FHIT: variants seen among roughly 807,000 people sequenced by gnomAD.
The protein encoded by FHIT is bis(5'-adenosyl)-triphosphatase.
A neutral mutation model predicts 17.9 loss-of-function variants in FHIT; 19 were observed. The ratio of observed to expected loss-of-function variants is 1.06; its 90% CI spans 0.74 to 1.56. The LOEUF (loss-of-function observed/expected upper bound fraction) is 1.56, where lower values mean the gene tolerates loss of function less well. FHIT is among the 40% of genes most tolerant of loss of function. FHIT has a pLI of 0.00. For missense variants in FHIT, 248 were observed against 189.2 expected (o/e 1.31, Z -1.82); for synonymous variants, 81 against 69.7 (o/e 1.16, Z -0.81).
At chr3:61,235,408 T>C (rs533084358) in intron 1 of FHIT, among the ~76,000 whole-genome samples, 8 of 152,284 alleles carry the variant, frequency 5.3e-5, no homozygotes, top group African/African-American at 1.9e-4. Flanking sequence ...GTTCAGTGCC[T>C]GGCCATAGTA....
chr3:60,653,240 T>C (rs2040037357), intron 4 of FHIT, among the ~76,000 whole-genome samples: 1 of 152,132 alleles, frequency 6.6e-6, no homozygotes, highest in Non-Finnish European at 1.5e-5. Context: ...ATCTAGTTAA[T>C]ATCGTCAAGA....
At chr3:59,782,139 A>G (rs2106884525) in intron 8 of FHIT, among the ~76,000 whole-genome samples, 1 of 152,296 alleles carries the variant, frequency 6.6e-6, no homozygotes, top group Non-Finnish European at 1.5e-5. Flanking sequence ...CTGATTCCTA[A>G]AGAAGTATAT....
intron 5 of FHIT, among the ~76,000 whole-genome samples, chr3:60,127,994 T>C (rs1315365742): frequency 1.3e-5 from 2 of 152,214 alleles, no homozygotes; most frequent in Non-Finnish European, 2.9e-5. Flanking sequence ...GACTTTAATA[T>C]TCAAGTAATA....
At chr3:60,644,205 G>T (rs939236436) in intron 4 of FHIT, among the ~76,000 whole-genome samples, 1 of 152,164 alleles carries the variant, frequency 6.6e-6, no homozygotes, top group African/African-American at 2.4e-5. Flanking sequence ...CTGAAAAAGA[G>T]AAAATTTAAC....
At chr3:60,890,984 G>A (rs1462204935) in intron 3 of FHIT, among the ~76,000 whole-genome samples, 3 of 152,168 alleles carry the variant, frequency 2.0e-5, no homozygotes, top group Admixed American at 1.3e-4. Flanking sequence ...TCGTCAATAG[G>A]TTGAAGATCT....
chr3:60,005,822 C>T (rs542380672), intron 7 of FHIT, among the ~76,000 whole-genome samples: 7 of 152,246 alleles, frequency 4.6e-5, no homozygotes, highest in South Asian at 2.1e-4. Flanking sequence ...TAATAAGTAA[C>T]GGTAAAAGAA....
chr3:60,159,466 C>G (rs1023438434), intron 5 of FHIT, among the ~76,000 whole-genome samples: 2 of 152,108 alleles, frequency 1.3e-5, no homozygotes, highest in African/African-American at 4.8e-5. Flanking sequence ...CTCCCCCATA[C>G]ATATCCTCAC....
Position 60,137,860 on chromosome 3 carries a change from C to T in FHIT, c.104-123708G>A, listed in dbSNP as rs917205136. ...AATGAATATTTAAGCAACATCTACA[C>T]ATAAGAGACCCTAAATGAATATCCG... On this transcript the variant is annotated intron_variant, in intron 5 of 9. Transcript: ENST00000492590. Among the ~76,000 whole-genome samples, 102 of 152,224 alleles carry T rather than the reference C, an allele frequency of 6.7e-4. 1 individual carries two copies. The highest frequency in any genetic ancestry group is 2.3e-3 in the African/African-American group (97 of 41,496).
At chr3:60,158,993 G>A (rs1306539711) in intron 5 of FHIT, among the ~76,000 whole-genome samples, 1 of 152,092 alleles carries the variant, frequency 6.6e-6, no homozygotes, top group Non-Finnish European at 1.5e-5. Flanking sequence ...TCTCTAGCTA[G>A]AGGGCATTAA....
In FHIT at chr3:60,135,196, A is replaced by G. The variant is rs566744963; in HGVS notation, c.104-121044T>C. Among the ~76,000 whole-genome samples the G allele has an allele frequency of 1.6e-4, 25 of 152,282 alleles. No homozygotes were observed. The South Asian group carries it at 3.3e-3, about 20-fold the overall frequency. ...TTCCAAAGATGGCACCCACTGATGA[A>G]GCTTTTCTATTACCAGGGTCACATA... On this transcript the variant is annotated intron_variant, in intron 5 of 9. Transcript: ENST00000492590.
At chr3:59,993,825 T>A (rs78748519) in intron 7 of FHIT, among the ~76,000 whole-genome samples, 16 of 151,894 alleles carry the variant, frequency 1.1e-4, no homozygotes, top group African/African-American at 3.9e-4. Context: ...CCTCTGAACC[T>A]CAGTTAACCT....
At chr3:61,136,302 A>G (rs1179765511) in intron 2 of FHIT, among the ~76,000 whole-genome samples, 1 of 136,230 alleles carries the variant, frequency 7.3e-6, no homozygotes, top group Non-Finnish European at 1.5e-5. Flanking sequence ...AGAGGCTTGT[A>G]TCATTAAAAT....
At chr3:60,324,573 G>GGAAAAAAAAAAAAAAAAAAAAAA (rs757433390) in intron 5 of FHIT, among the ~76,000 whole-genome samples, 1 of 128,858 alleles carries the variant, frequency 7.8e-6, no homozygotes, top group African/African-American at 3.0e-5. Flanking sequence ...GACTCCATCA[G>GGAAAAAAAAAAAAAAAAAAAAAA]AAAAAAAAAA....
intron 3 of FHIT, among the ~76,000 whole-genome samples, chr3:61,019,315 G>A (rs1219580912): frequency 6.6e-6 from 1 of 152,226 alleles, no homozygotes; most frequent in Non-Finnish European, 1.5e-5. Flanking sequence ...TATTTGGAAA[G>A]TTCCCAGTAT....
At position 60,401,466 on chromosome 3, in the gene FHIT, T is replaced by C. The variant is rs184810237; in HGVS notation, c.103+135394A>G. Among the ~76,000 whole-genome samples the C allele has an allele frequency of 4.2e-3, 637 of 152,262 alleles. 4 individuals carry two copies. The highest frequency in any genetic ancestry group is 0.012 in the African/African-American group (485 of 41,568). ...GCCAGGAGAGAAGAGAAGATGGGTATTGACTCACTGTCATGGTTCTATAAC... is the reference window on the plus strand; with the variant it reads ...GCCAGGAGAGAAGAGAAGATGGGTACTGACTCACTGTCATGGTTCTATAAC... On this transcript the variant is annotated intron_variant, in intron 5 of 9. Transcript: ENST00000492590.
Position 60,860,711 on chromosome 3 carries a change from ATATATATCAGG to A in FHIT, c.-110-38711_-110-38701del, listed in dbSNP as rs1287462798. 1.5e-4 allele frequency among the ~76,000 whole-genome samples: 16 copies of A among 108,988 alleles called. 1 individual carries two copies. Among genetic ancestry groups the A allele is most frequent in the Non-Finnish European group, 2.8e-4 (14 of 49,838 alleles). 71.5% of individuals were successfully genotyped at this position (108,988 alleles called of 152,430 possible). A position where few individuals can be genotyped will look rare whatever the true frequency, so the allele number is the denominator to read the frequency against. ...ATCAGGTATATATGTACATATGTACATATATATCAGGTATATATGTACATATGTTCATATAT... is the reference window on the plus strand; with the variant it reads ...ATCAGGTATATATGTACATATGTACATATATATGTACATATGTTCATATAT... On this transcript the variant is annotated intron_variant, in intron 3 of 9. Transcript: ENST00000492590.
chr3:60,837,820 T>A (rs2106846915), intron 3 of FHIT, among the ~76,000 whole-genome samples: 1 of 152,304 alleles, frequency 6.6e-6, no homozygotes, highest in African/African-American at 2.4e-5. Context: ...TATATATTTA[T>A]AACTAAACAG....
At chr3:60,204,466 T>TG (rs200921176) in intron 5 of FHIT, among the ~76,000 whole-genome samples, 1,786 of 151,650 alleles carry the variant, frequency 0.012, 18 homozygotes, top group Middle Eastern at 0.027. Context: ...TTGTTTTGTT[T>TG]TTTTAGTAGA....
At chr3:59,825,300 C>T (rs1314791145) in intron 8 of FHIT, among the ~76,000 whole-genome samples, 2 of 152,132 alleles carry the variant, frequency 1.3e-5, no homozygotes, top group Non-Finnish European at 2.9e-5. Flanking sequence ...ATTTTCTTTT[C>T]GAGTATGCTT....
Sources: allele counts gnomAD v4.1 joint callset (sites outside exome capture counted in the v4.1 genomes callset), GRCh38; gene constraint gnomAD v4.1.1; transcripts MANE v1.5; gene names NCBI Gene and HGNC (gene_info 2026-07-23, HGNC 2026-07-21).